UPF1: variants seen among roughly 807,000 people sequenced by gnomAD.
The protein encoded by UPF1 is UPF1 RNA helicase and ATPase, also known as regulator of nonsense transcripts 1.
UPF1 carries 9 observed loss-of-function variants against 129.2 expected under a neutral mutation model. The observed-to-expected ratio is 0.07, with a 90% CI of 0.04 to 0.12. The LOEUF is 0.12. UPF1 is among the 10% of genes least tolerant of loss of function. The pLI is 1.00. For synonymous variants in UPF1, 649 were observed against 644.9 expected, an observed-to-expected ratio of 1.01 and a Z score of -0.10; for missense variants, 788 against 1,525.3, an observed-to-expected ratio of 0.52 and a Z score of 8.05.
chr19:18,865,968 CTG>C lies in UPF1; in HGVS notation c.3238-75_3238-74del. ...GGGGACGGGTTTTCCATTCTTTTCT[CTG>C]GGGCTGCTGAGGGCTGGGTGGATGT... On this transcript the variant is annotated intron_variant, in intron 22 of 23. Transcript: ENST00000262803. This position sits in a 1 kb window ranked among gnomAD's most constrained non-coding sequence, Gnocchi z 6.1. The C allele has an allele frequency of 1.2e-6, 2 of 1,600,390 alleles. No individual in the cohort carries two copies. Among genetic ancestry groups the C allele is most frequent in the Non-Finnish European group, 1.7e-6 (2 of 1,176,586 alleles).
chr19:18,839,164 T>A (rs2055514593), intron 1 of UPF1, among the ~76,000 whole-genome samples: 1 of 152,246 alleles, frequency 6.6e-6, no homozygotes, highest in African/African-American at 2.4e-5. Context: ...CGATCTTGGC[T>A]CACTACAACC....
At position 18,863,592 on chromosome 19, in the gene UPF1, C is replaced by G; in HGVS notation, c.2755C>G (p.Leu919Val). The change falls in exon 19 of 24, where the codon CTG becomes GTG. Residue 919 changes from leucine (L) to valine (V), a missense_variant. By Grantham distance (32) the Leu-to-Val change is conservative. Coordinates refer to ENST00000262803, the MANE Select transcript of UPF1 (RefSeq NM_002911.4). ...CATGCAGTTCAGCAAGCCACGGAAGCTGGTCAACACTATCAACCCGGTGAG... is the reference window on the plus strand; with the variant it reads ...CATGCAGTTCAGCAAGCCACGGAAGGTGGTCAACACTATCAACCCGGTGAG... The part of the protein sequence containing the change: ...SLMQFSKPRK[L>V]VNTINPGARF... 1 of 1,613,676 alleles carries G rather than the reference C, an allele frequency of 6.2e-7. No homozygotes were observed. Among genetic ancestry groups the G allele is most frequent in the Non-Finnish European group, 8.5e-7 (1 of 1,179,852 alleles).
chr19:18,863,413 C>T (rs761604451), intron 18 of UPF1, 25 bp from the exon 19 acceptor site: 16 of 1,606,590 alleles, frequency 1.0e-5, no homozygotes, highest in Non-Finnish European at 1.3e-5. Context: ...CCACCTGCGT[C>T]CTCAGCACTG....
intron 1 of UPF1, chr19:18,833,306 A>G (rs947708117): frequency 6.6e-6 from 1 of 152,208 alleles, no homozygotes; most frequent in Non-Finnish European, 1.5e-5. Flanking sequence ...TTTTTCTTGC[A>G]TCGCCTGTTG....
At chr19:18,846,801 T>TAAC (rs2055605430) in intron 2 of UPF1, among the ~76,000 whole-genome samples, 1 of 152,084 alleles carries the variant, frequency 6.6e-6, no homozygotes, top group African/African-American at 2.4e-5. Context: ...CCATCCTGGC[T>TAAC]AACACGGTGA....
At position 18,866,052 on chromosome 19, in the gene UPF1, C is replaced by T. The variant is rs1171189061; in HGVS notation, c.3246C>T (p.Tyr1082=). The T allele has an allele frequency of 6.2e-7, 1 of 1,613,556 alleles. No individual in the cohort carries two copies. Residue 1082 remains tyrosine, a synonymous_variant, in exon 23 of 24, where the codon TAC becomes TAT. Coordinates refer to ENST00000262803, the MANE Select transcript of UPF1 (RefSeq NM_002911.4). ...CTGACCTTGTCTTTCAGGACAGTTA[C>T]CTTGGTGACGAGTTTAAATCACAAA... ...LSQPELSQDS[Y]LGDEFKSQID...
intron 18 of UPF1, 43 bp from the exon 19 acceptor site, chr19:18,863,395 G>A (rs1328811327): frequency 6.3e-7 from 1 of 1,596,194 alleles, no homozygotes; most frequent in Admixed American, 1.7e-5. Context: ...TGTGAGACGG[G>A]CAGCTCTCCA....
Position 18,854,605 on chromosome 19 carries a change from T to C in UPF1, c.1161T>C (p.Tyr387=), listed in dbSNP as rs2055695270. 2.5e-6 allele frequency: 4 copies of C among 1,610,888 alleles called. No individual in the cohort carries two copies. The highest frequency in any genetic ancestry group is 1.7e-5 in the Admixed American group (1 of 59,660). The change falls in exon 9 of 24, where the codon TAT becomes TAC. Residue 387 remains tyrosine, a synonymous_variant. Transcript: ENST00000262803. ...CAAACTTAACTCAGCACACAGATTA[T>C]GGCGATGAGATCGCCATTGAGCTGC... ...IGHVIKVPDN[Y]GDEIAIELRS...
chr19:18,852,758 C>T (rs1223990785), intron 6 of UPF1, among the ~76,000 whole-genome samples: 2 of 151,460 alleles, frequency 1.3e-5, no homozygotes, highest in Non-Finnish European at 1.5e-5. Context: ...CTCTGGTGTG[C>T]GGTGAAGCCT....
rs371172531 is a variant in UPF1 at position 18,866,208 on chromosome 19, A to G, written c.*3+42A>G. ...CAGGCCTGGCCCCACCCCAGCCTCA[A>G]GGAGAAGGATGGGAGGGGGCTCTCC... On this transcript the variant is annotated intron_variant, in intron 23 of 23. Coordinates refer to ENST00000262803, the MANE Select transcript of UPF1 (RefSeq NM_002911.4). 1.5e-4 allele frequency: 222 copies of G among 1,524,010 alleles called. No homozygotes were observed. In the African/African-American group the frequency reaches 2.9e-3, roughly 20 times the overall value. 94.4% of individuals were successfully genotyped at this position (1,524,010 alleles called of 1,614,324 possible).
chr19:18,844,198 C>G (rs1462255843), intron 1 of UPF1, among the ~76,000 whole-genome samples: 1 of 146,414 alleles, frequency 6.8e-6, no homozygotes, highest in African/African-American at 2.5e-5. Context: ...GACTCCAGCT[C>G]TGGGGCCTCG....
In UPF1 at chr19:18,866,862, C is replaced by T. The variant is rs1009584743; in HGVS notation, c.*345C>T. 2.0e-5 allele frequency: 3 copies of T among 152,590 alleles called. No homozygotes were observed. The highest frequency in any genetic ancestry group is 4.4e-5 in the Non-Finnish European group (3 of 68,044). The allele number at this position is 152,590 out of a possible 1,614,324, so 9.5% of individuals were successfully genotyped here. ...CCTCTGTTCTTTTATTTCTTTTTCT[C>T]TTTGATTGAAAGGGGACTACGTCTT... On this transcript the variant is annotated 3_prime_UTR_variant, in exon 24 of 24. Transcript: ENST00000262803.
At chr19:18,836,749 A>ATT (rs755282469) in intron 1 of UPF1, among the ~76,000 whole-genome samples, 62 of 129,466 alleles carry the variant, frequency 4.8e-4, no homozygotes, top group African/African-American at 8.0e-4. Context: ...CTATCCACCC[A>ATT]TTTTTTTTTT....
rs1007990451 is a variant in UPF1, at chr19:18,866,072, C to T, written c.3266C>T (p.Ser1089Leu). ...AGTTACCTTGGTGACGAGTTTAAAT[C>T]ACAAATCGACGTGGCGCTCTCACAG... Reference protein sequence around the residue: ...QDSYLGDEFKSQIDVALSQDS... With the variant: ...QDSYLGDEFKLQIDVALSQDS... Residue 1089 changes from serine (S) to leucine (L), a missense_variant, in exon 23 of 24, where the codon TCA becomes TTA. This residue lies in a region of UPF1 where 218 missense variants were observed against 318.1 expected (regional missense o/e 0.69). Coordinates refer to ENST00000262803, the MANE Select transcript of UPF1 (RefSeq NM_002911.4). 8 of 1,613,378 alleles carry T rather than the reference C, an allele frequency of 5.0e-6. No homozygotes were observed. The highest frequency in any genetic ancestry group is 6.8e-6 in the Non-Finnish European group (8 of 1,179,888).
At chr19:18,848,153 C>T (rs1325373134) in intron 3 of UPF1, 5 of 304,550 alleles carry the variant, frequency 1.6e-5, no homozygotes, top group African/African-American at 6.5e-5. Flanking sequence ...AGGATGTTCC[C>T]AAGGCAGTAA....
rs756529681 is a variant in UPF1, at chr19:18,855,045, G to A, written c.1425+7G>A. Reference sequence around the variant, plus strand: ...CGACCTCAACCACTCCCAGGTGCGCGCCGTCCTCAGCGCGCGGGGCCTCGC... The same window carrying A: ...CGACCTCAACCACTCCCAGGTGCGCACCGTCCTCAGCGCGCGGGGCCTCGC... On this transcript the variant is annotated splice_region_variant and intron_variant, in intron 10 of 23. Transcript: ENST00000262803. 8.1e-6 allele frequency: 13 copies of A among 1,613,302 alleles called. No homozygotes were observed. The highest frequency in any genetic ancestry group is 4.0e-5 in the African/African-American group (3 of 74,950).
rs781155376 is a variant in UPF1, at chr19:18,853,232, TCTCA to T, written c.1058-17_1058-14del. On this transcript the variant is annotated splice_polypyrimidine_tract_variant and intron_variant, in intron 7 of 23. Transcript: ENST00000262803. The surrounding 1 kb of genome is among the most constrained non-coding windows in gnomAD (Gnocchi z 4.4). Reference sequence around the variant, plus strand: ...CGGCGTGGGTTAAAATGGCCACCTCTCTCACTTTTTTACCTCAAGACATGCGGCT... The same window carrying T: ...CGGCGTGGGTTAAAATGGCCACCTCTCTTTTTTACCTCAAGACATGCGGCT... 1.5e-5 allele frequency: 24 copies of T among 1,605,578 alleles called. No individual in the cohort carries two copies. Among genetic ancestry groups the T allele is most frequent in the Admixed American group, 1.2e-4 (7 of 58,812 alleles).
rs766247473 is a variant in UPF1, at chr19:18,865,432, G to A, written c.3001G>A (p.Ala1001Thr). 7 of 1,613,604 alleles carry A rather than the reference G, an allele frequency of 4.3e-6. No homozygotes were observed. In the South Asian group the frequency reaches 6.6e-5, roughly 15 times the overall value. ...PMPPPGYFGQ[A>T]NGPAAGRGTP... is the part of the protein sequence containing the mutation. ...GCCACCGCCTGGCTATTTTGGACAAGCCAACGGGCCTGCTGCAGGTGAGCA... is the reference window on the plus strand; with the variant it reads ...GCCACCGCCTGGCTATTTTGGACAAACCAACGGGCCTGCTGCAGGTGAGCA... The change falls in exon 21 of 24, where the codon GCC becomes ACC. Residue 1001 changes from alanine (A) to threonine (T), a missense_variant. Coordinates refer to ENST00000262803, the MANE Select transcript of UPF1 (RefSeq NM_002911.4). This position sits in a 1 kb window ranked among gnomAD's most constrained non-coding sequence, Gnocchi z 6.1.
chr19:18,833,030 C>T (rs560826449), intron 1 of UPF1: 2 of 152,398 alleles, frequency 1.3e-5, no homozygotes, highest in East Asian at 1.9e-4. Flanking sequence ...TCCAGGGTGA[C>T]CTGCCCTAAT....
Sources: allele counts gnomAD v4.1 joint callset (sites outside exome capture counted in the v4.1 genomes callset), GRCh38; gene constraint gnomAD v4.1.1; regional missense constraint gnomAD v4.1.1; non-coding constraint Gnocchi (gnomAD v3.1); transcripts MANE v1.5; gene names NCBI Gene and HGNC (gene_info 2026-07-23, HGNC 2026-07-21).